EPCAM: variants seen among roughly 807,000 people sequenced by gnomAD.
The protein encoded by EPCAM is epithelial cell adhesion molecule, also known as adenocarcinoma-associated antigen.
A neutral mutation model predicts 40.0 loss-of-function variants in EPCAM; 39 were observed. The ratio of observed to expected loss-of-function variants is 0.98; its 90% CI spans 0.76 to 1.27. EPCAM has a LOEUF of 1.27. Among genes scored for constraint, EPCAM ranks in the 50% most tolerant of loss-of-function variants. The pLI is 0.00. For synonymous variants in EPCAM, 168 were observed against 132.3 expected, an observed-to-expected ratio of 1.27 and a Z score of -1.85; for missense variants, 503 against 381.2, an observed-to-expected ratio of 1.32 and a Z score of -2.66.
chr2:47,380,088 G>C, intron 7 of EPCAM, 119 bp downstream of exon 7: 6 of 1,504,384 alleles, frequency 4.0e-6, no homozygotes, highest in Non-Finnish European at 5.4e-6. Context: ...GGCTGAGACA[G>C]GTGGATCACT....
At position 47,386,619 on chromosome 2, in the gene EPCAM, T is replaced by A; in HGVS notation, c.*6T>A. 1 of 1,595,886 alleles carries A rather than the reference T, an allele frequency of 6.3e-7. No homozygotes were observed. Among genetic ancestry groups the A allele is most frequent in the Non-Finnish European group, 8.6e-7 (1 of 1,164,314 alleles). On this transcript the variant is annotated 3_prime_UTR_variant, in exon 9 of 9. Coordinates refer to ENST00000263735, the MANE Select transcript of EPCAM (RefSeq NM_002354.3). ...ATAGGGAACTCAATGCATAACTATATAATTTGAAGATTATAGAAGAAGGGA... is the reference window on the plus strand; with the variant it reads ...ATAGGGAACTCAATGCATAACTATAAAATTTGAAGATTATAGAAGAAGGGA...
chr2:47,380,704 G>A (rs557886251), intron 7 of EPCAM, among the ~76,000 whole-genome samples: 6 of 152,336 alleles, frequency 3.9e-5, no homozygotes, highest in African/African-American at 1.4e-4. Flanking sequence ...TGAGCAAATT[G>A]AATTTAACAG....
At chr2:47,375,885 T>G (rs1322736793) in intron 4 of EPCAM, among the ~76,000 whole-genome samples, 1 of 152,002 alleles carries the variant, frequency 6.6e-6, no homozygotes, top group Non-Finnish European at 1.5e-5. Context: ...TTTGTAGTTT[T>G]AGTAGAAACA....
chr2:47,383,030 G>A (rs1671634622), intron 7 of EPCAM: 1 of 151,838 alleles, frequency 6.6e-6, no homozygotes, highest in Admixed American at 6.6e-5. Context: ...TCGCTGGCCG[G>A]ACGTGGTGGC....
chr2:47,384,291 A>G (rs964930478), intron 7 of EPCAM, among the ~76,000 whole-genome samples: 12 of 151,664 alleles, frequency 7.9e-5, no homozygotes, highest in African/African-American at 2.7e-4. Flanking sequence ...TTTAGTAGAG[A>G]TGAGGTTTCA....
At chr2:47,376,640 T>C (rs1671435182) in intron 4 of EPCAM, among the ~76,000 whole-genome samples, 1 of 152,196 alleles carries the variant, frequency 6.6e-6, no homozygotes, top group African/African-American at 2.4e-5. Flanking sequence ...TCCTTTATAA[T>C]ACTTCACATT....
intron 4 of EPCAM, among the ~76,000 whole-genome samples, chr2:47,375,553 A>G (rs1671399606): frequency 6.6e-6 from 1 of 152,144 alleles, no homozygotes; most frequent in Admixed American, 6.6e-5. Context: ...ACATCAGTGT[A>G]TCTATGCATG....
chr2:47,375,194 C>T (rs745921534), intron 3 of EPCAM, 40 bp from the exon 4 acceptor site: 1 of 1,428,658 alleles, frequency 7.0e-7, no homozygotes, highest in Non-Finnish European at 9.9e-7. Flanking sequence ...GTATGGAAGA[C>T]TGAGTTATAG....
chr2:47,374,137 GT>G, intron 3 of EPCAM, 89 bp downstream of exon 3: 3 of 1,483,524 alleles, frequency 2.0e-6, no homozygotes, highest in Non-Finnish European at 2.8e-6. Context: ...TGATTTCATG[GT>G]TTAGAATTCA....
chr2:47,374,015 C>G lies in EPCAM; in HGVS notation c.392C>G (p.Thr131Ser), dbSNP rs748892317. 1 of 1,614,174 alleles carries G rather than the reference C, an allele frequency of 6.2e-7. No homozygotes were observed. Among genetic ancestry groups the G allele is most frequent in the Non-Finnish European group, 8.5e-7 (1 of 1,180,024 alleles). Reference sequence around the variant, plus strand: ...GGGGTCAGAAGAACAGACAAGGACACTGAAATAACCTGCTCTGAGCGAGTG... The same window carrying G: ...GGGGTCAGAAGAACAGACAAGGACAGTGAAATAACCTGCTCTGAGCGAGTG... ...TAGVRRTDKD[T>S]EITCSERVRT... Residue 131 changes from threonine (T) to serine (S), a missense_variant, in exon 3 of 9, where the codon ACT (threonine) becomes AGT (serine). Thr to Ser is a moderately conservative substitution (Grantham distance 58, BLOSUM62 1). Transcript: ENST00000263735.
chr2:47,384,405 A>G (rs1671680756), intron 7 of EPCAM, among the ~76,000 whole-genome samples: 2 of 143,738 alleles, frequency 1.4e-5, no homozygotes, highest in Non-Finnish European at 3.0e-5. Context: ...TGCCTGACCT[A>G]TTTTATTTTA....
intron 1 of EPCAM, among the ~76,000 whole-genome samples, chr2:47,373,243 G>C (rs1671328617): frequency 7.6e-6 from 1 of 131,856 alleles, no homozygotes; most frequent in Non-Finnish European, 1.6e-5. Context: ...AAACAGGAAT[G>C]CATGCAGATT....
At chr2:47,379,377 G>A (rs965234552) in intron 6 of EPCAM, among the ~76,000 whole-genome samples, 5 of 151,056 alleles carry the variant, frequency 3.3e-5, no homozygotes, top group Non-Finnish European at 7.4e-5. Flanking sequence ...AAAAAAGACT[G>A]TAACTGATAT....
At chr2:47,383,723 C>A (rs969751545) in intron 7 of EPCAM, among the ~76,000 whole-genome samples, 1 of 138,214 alleles carries the variant, frequency 7.2e-6, no homozygotes, top group South Asian at 2.4e-4. Flanking sequence ...CAACCTCCAT[C>A]TCCCAGGTTC....
chr2:47,372,819 CAG>C (rs1671310048), intron 1 of EPCAM, among the ~76,000 whole-genome samples: 1 of 151,984 alleles, frequency 6.6e-6, no homozygotes, highest in African/African-American at 2.4e-5. Context: ...TGTTACTTAG[CAG>C]GACAGGACTG....
intron 7 of EPCAM, among the ~76,000 whole-genome samples, chr2:47,384,228 C>T (rs532734900): frequency 1.3e-5 from 2 of 151,516 alleles, no homozygotes; most frequent in East Asian, 2.0e-4. Flanking sequence ...CTCAGCCTCC[C>T]GAGTAGATGG....
intron 4 of EPCAM, among the ~76,000 whole-genome samples, chr2:47,375,663 A>C (rs906951013): frequency 1.3e-5 from 2 of 151,934 alleles, no homozygotes; most frequent in African/African-American, 4.8e-5. Context: ...AACAAAAGGC[A>C]TTCTTTTATA....
At chr2:47,375,356 C>A (rs750909734) in intron 4 of EPCAM, 57 bp downstream of exon 4, 31 of 1,104,232 alleles carry the variant, frequency 2.8e-5, no homozygotes, top group Non-Finnish European at 3.9e-5. Flanking sequence ...AATCTTCCAT[C>A]CTACACCATT....
chr2:47,378,927 T>C (rs765035925), intron 5 of EPCAM, 26 bp from the exon 6 acceptor site: 1 of 944,508 alleles, frequency 1.1e-6, no homozygotes, highest in East Asian at 2.4e-5. Context: ...TAGTATTAAT[T>C]TGTATTATTC....
Sources: gnomAD v4.1 joint callset for allele counts (sites outside exome capture counted in the v4.1 genomes callset) on GRCh38, gnomAD v4.1.1 for gene constraint, MANE v1.5 for transcripts, NCBI Gene and HGNC (gene_info 2026-07-23, HGNC 2026-07-21) for gene names.